ACACB: variants seen among roughly 807,000 people sequenced by gnomAD.
The protein encoded by ACACB is acetyl-CoA carboxylase 2.
A neutral mutation model predicts 278.8 loss-of-function variants in ACACB; 209 were observed. That is an observed-to-expected ratio of 0.75 (90% confidence interval 0.67 to 0.84). The LOEUF (loss-of-function observed/expected upper bound fraction) is 0.84. Among genes scored for constraint, ACACB ranks in the 40% least tolerant of loss-of-function variants. The probability of loss-of-function intolerance (pLI) is 0.00; values close to 1 mark genes in which losing one functional copy is unlikely to be tolerated. For synonymous variants in ACACB, 1,174 were observed against 1,285.6 expected (o/e 0.91, Z 1.86); for missense variants, 2,850 against 3,269.0 (o/e 0.87, Z 3.13).
Position 109,258,350 on chromosome 12 carries a change from G to T in ACACB, c.6346G>T (p.Asp2116Tyr). The T allele has an allele frequency of 4.3e-6, 7 of 1,611,764 alleles. No individual in the cohort carries two copies. The highest frequency in any genetic ancestry group is 5.1e-6 in the Non-Finnish European group (6 of 1,179,756). ...VAVPADPANL[D>Y]SEAKIIQQAG... ...AGTCCCTGCAGACCCTGCCAACCTGGATTCTGAGGCCAAGGTGAGGGGGCC... is the reference window on the plus strand; with the variant it reads ...AGTCCCTGCAGACCCTGCCAACCTGTATTCTGAGGCCAAGGTGAGGGGGCC... Residue 2116 changes from aspartate (D) to tyrosine (Y), a missense_variant, in exon 46 of 53, where the codon GAT (aspartate) becomes TAT (tyrosine). This residue lies in a region of ACACB where 579 missense variants were observed against 684.6 expected (regional missense o/e 0.85). Transcript: ENST00000338432.
intron 33 of ACACB, chr12:109,236,213 T>C (rs946023342): frequency 1.3e-5 from 2 of 153,108 alleles, no homozygotes; most frequent in Admixed American, 1.3e-4. Flanking sequence ...GTAGCAACTT[T>C]TGTGTAGACT....
At chr12:109,157,061 G>A (rs984134136) in intron 2 of ACACB, among the ~76,000 whole-genome samples, 1 of 151,894 alleles carries the variant, frequency 6.6e-6, no homozygotes, top group African/African-American at 2.4e-5. Flanking sequence ...AGTCCAGGAC[G>A]TGGGGTCCCC....
chr12:109,229,002 A>G (rs550771895), intron 28 of ACACB, among the ~76,000 whole-genome samples: 146 of 152,268 alleles, frequency 9.6e-4, no homozygotes, highest in South Asian at 2.3e-3. Context: ...TCTGTTGCCC[A>G]GGCTGGAGTG....
intron 44 of ACACB, 91 bp from the exon 45 acceptor site, chr12:109,256,049 G>C: frequency 1.0e-6 from 1 of 952,590 alleles, no homozygotes; most frequent in Non-Finnish European, 1.7e-6. Flanking sequence ...AAGCCAGGCT[G>C]TCCTTAGGGA....
chr12:109,234,241 C>T (rs778909439), intron 31 of ACACB, among the ~76,000 whole-genome samples, 196 bp downstream of exon 31: 1 of 152,196 alleles, frequency 6.6e-6, no homozygotes, highest in Non-Finnish European at 1.5e-5. Context: ...CAGCATTTCT[C>T]TCGCTCACGG....
At chr12:109,262,826 A>C (rs1364445019) in intron 49 of ACACB, among the ~76,000 whole-genome samples, 1 of 151,386 alleles carries the variant, frequency 6.6e-6, no homozygotes, top group East Asian at 1.9e-4. Context: ...CATGTTGCCC[A>C]GGCTGTTCTC....
chr12:109,262,244 G>A lies in ACACB; in HGVS notation c.6675-113G>A, dbSNP rs184662937. ...CATGTGTGGGGGTAAAAGAGCTGAG[G>A]ACTGACACCCAGATCTTCTGGCTCT... On this transcript the variant is annotated intron_variant, in intron 48 of 52. Coordinates refer to ENST00000338432, the MANE Select transcript of ACACB (RefSeq NM_001093.4). The A allele has an allele frequency of 4.6e-3, 3,520 of 759,900 alleles. 45 individuals carry two copies. The highest frequency in any genetic ancestry group is 2.8e-3 in the Non-Finnish European group (1,268 of 449,614). The allele number at this position is 759,900 out of a possible 1,614,324, so 47.1% of individuals were successfully genotyped here.
At chr12:109,174,285 G>A (rs985098382) in intron 7 of ACACB, 55 bp downstream of exon 7, 15 of 1,409,248 alleles carry the variant, frequency 1.1e-5, no homozygotes, top group Middle Eastern at 1.8e-4. Flanking sequence ...TCTTGATAAT[G>A]TGAACGGTCA....
At position 109,140,059 on chromosome 12, in the gene ACACB, G is replaced by A. The variant is rs772368380; in HGVS notation, c.653+1G>A. Reference sequence around the variant, plus strand: ...CTGAGACCCGCGTCCCCACTATGAGGTAATGTGCATTTTCTCCTTGTAACT... The same window carrying A: ...CTGAGACCCGCGTCCCCACTATGAGATAATGTGCATTTTCTCCTTGTAACT... On this transcript the variant is annotated splice_donor_variant, in intron 2 of 52. Coordinates refer to ENST00000338432, the MANE Select transcript of ACACB (RefSeq NM_001093.4). LOFTEE classifies it high-confidence loss of function. The A allele has an allele frequency of 3.2e-6, 5 of 1,579,506 alleles. No homozygotes were observed. The highest frequency in any genetic ancestry group is 3.5e-5 in the Admixed American group (2 of 57,360).
intron 6 of ACACB, among the ~76,000 whole-genome samples, chr12:109,173,485 T>C (rs1205725649): frequency 6.6e-6 from 1 of 152,222 alleles, no homozygotes; most frequent in Non-Finnish European, 1.5e-5. Flanking sequence ...TCTTTGTCTG[T>C]GGACTCTGAG....
chr12:109,127,710 A>G lies in ACACB; in HGVS notation c.-10+11006A>G, dbSNP rs371738047. ...GTTGCAATTATTTTGCTGTCCCCGA[A>G]CATTTGTTCCTCTGGTGTAAGGGAG... On this transcript the variant is annotated intron_variant, in intron 1 of 52. Coordinates refer to ENST00000338432, the MANE Select transcript of ACACB (RefSeq NM_001093.4). Among the ~76,000 whole-genome samples, 60 of 152,300 alleles carry G rather than the reference A, an allele frequency of 3.9e-4. 1 individual carries two copies. The highest frequency in any genetic ancestry group is 1.4e-3 in the African/African-American group (59 of 41,564).
intron 21 of ACACB, among the ~76,000 whole-genome samples, chr12:109,209,878 C>CGT (rs1179832973): frequency 6.8e-5 from 8 of 118,268 alleles, no homozygotes; most frequent in South Asian, 2.7e-4. Context: ...CATACACACA[C>CGT]GTGTGTATAT....
At chr12:109,262,336 C>A in intron 48 of ACACB, 21 bp from the exon 49 acceptor site, 4 of 1,599,044 alleles carry the variant, frequency 2.5e-6, no homozygotes, top group Non-Finnish European at 3.4e-6. Flanking sequence ...ATACCCCCAT[C>A]CCTGCCTCTT....
At chr12:109,221,473 C>T (rs376890682) in intron 24 of ACACB, among the ~76,000 whole-genome samples, 14 of 152,152 alleles carry the variant, frequency 9.2e-5, no homozygotes, top group Admixed American at 3.3e-4. Flanking sequence ...ATGCGAACAC[C>T]GGCTGCACCC....
intron 4 of ACACB, 136 bp from the exon 5 acceptor site, chr12:109,171,669 C>T (rs2044120610): frequency 3.0e-6 from 2 of 664,790 alleles, no homozygotes; most frequent in East Asian, 3.0e-5. Context: ...CATTTTCATA[C>T]ATGTTTGTCC....
intron 12 of ACACB, 91 bp from the exon 13 acceptor site, chr12:109,187,908 G>A (rs1042930740): frequency 6.9e-6 from 10 of 1,455,754 alleles, no homozygotes; most frequent in Middle Eastern, 1.9e-4. Context: ...GTCAGCGTAG[G>A]GGTTCTTGGG....
At chr12:109,241,813 T>C (rs1473814205) in intron 36 of ACACB, 1 of 166,814 alleles carries the variant, frequency 6.0e-6, no homozygotes, top group African/African-American at 2.4e-5. Context: ...TGTGTGTACA[T>C]AAAAATATAC....
rs952477523 is a variant in ACACB, at chr12:109,216,612, C to T, written c.3351-6C>T. 1.2e-6 allele frequency: 2 copies of T among 1,614,028 alleles called. No homozygotes were observed. The highest frequency in any genetic ancestry group is 1.7e-6 in the Non-Finnish European group (2 of 1,179,914). On this transcript the variant is annotated splice_polypyrimidine_tract_variant and splice_region_variant and intron_variant, in intron 22 of 52. Transcript: ENST00000338432. ...AGCATTAAGAGCAGCCTTCCCTTCT[C>T]CCCAGATACCGCAGCGGGATCCGCG...
At chr12:109,205,947 C>T (rs1358567349) in intron 19 of ACACB, among the ~76,000 whole-genome samples, 3 of 152,034 alleles carry the variant, frequency 2.0e-5, no homozygotes, top group Non-Finnish European at 4.4e-5. Flanking sequence ...CTGTGTTGCC[C>T]TCTAGGGAGC....
Sources: allele counts gnomAD v4.1 joint callset (sites outside exome capture counted in the v4.1 genomes callset), GRCh38; gene constraint gnomAD v4.1.1; regional missense constraint gnomAD v4.1.1; transcripts MANE v1.5; gene names NCBI Gene and HGNC (gene_info 2026-07-23, HGNC 2026-07-21).